The following UBR3 variants were observed in gnomAD, a reference collection of about 807,000 sequenced individuals.
The protein encoded by UBR3 is E3 ubiquitin-protein ligase UBR3.
A neutral mutation model predicts 243.2 loss-of-function variants in UBR3; 85 were observed. The ratio of observed to expected loss-of-function variants is 0.35; its 90% CI spans 0.29 to 0.42. UBR3 has a LOEUF of 0.42. UBR3 is among the 10% of genes least tolerant of loss of function. The pLI, the probability that UBR3 is intolerant of heterozygous loss-of-function variation, is 1.00. For missense variants in UBR3, 1,686 were observed against 2,300.8 expected (o/e 0.73, Z 5.47); for synonymous variants, 748 against 799.8 (o/e 0.94, Z 1.09).
chr2:169,917,472 A>G (rs142665902), intron 11 of UBR3, among the ~76,000 whole-genome samples: 3 of 152,336 alleles, frequency 2.0e-5, no homozygotes, highest in Admixed American at 6.5e-5. Context: ...AAAATTATAC[A>G]CAAGAAAATG....
chr2:169,932,166 C>T (rs2086158920), intron 18 of UBR3, among the ~76,000 whole-genome samples: 1 of 151,816 alleles, frequency 6.6e-6, no homozygotes, highest in Admixed American at 6.6e-5. Flanking sequence ...CAACCTTCGC[C>T]TCCTGGGTTC....
intron 6 of UBR3, 96 bp downstream of exon 6, chr2:169,891,327 CA>C: frequency 1.1e-6 from 1 of 882,650 alleles, no homozygotes; most frequent in Middle Eastern, 3.4e-4. Flanking sequence ...ATACTGACAT[CA>C]AAGCTGTTTG....
chr2:170,029,482 A>G (rs2090615264), intron 31 of UBR3, 34 bp downstream of exon 31: 24 of 1,501,206 alleles, frequency 1.6e-5, no homozygotes, highest in Non-Finnish European at 2.0e-5. Flanking sequence ...ATCAATTAAA[A>G]CTCTTTATGA....
intron 5 of UBR3, among the ~76,000 whole-genome samples, chr2:169,886,559 C>T (rs561519971): frequency 6.6e-5 from 10 of 152,238 alleles, no homozygotes; most frequent in East Asian, 5.8e-4. Context: ...TTTTCTGTCG[C>T]GCATAGTTCT....
intron 1 of UBR3, among the ~76,000 whole-genome samples, chr2:169,833,006 C>G (rs771598313): frequency 1.1e-4 from 16 of 152,088 alleles, no homozygotes; most frequent in Non-Finnish European, 2.2e-4. Context: ...CTAAAATACA[C>G]TCGTTCCTCA....
intron 5 of UBR3, among the ~76,000 whole-genome samples, chr2:169,882,541 C>G (rs12999322): frequency 0.47 from 70,387 of 150,466 alleles, 18,402 homozygotes; most frequent in Non-Finnish European, 0.6. Context: ...AGGAGTTTGA[C>G]ACCAGCCTGG....
At chr2:170,058,590 A>T (rs1285972293) in intron 33 of UBR3, among the ~76,000 whole-genome samples, 2 of 146,920 alleles carry the variant, frequency 1.4e-5, no homozygotes, top group Non-Finnish European at 3.0e-5. Context: ...ATCACAGCTC[A>T]CTGCAACCTC....
intron 5 of UBR3, among the ~76,000 whole-genome samples, chr2:169,883,449 G>C (rs1336926926): frequency 1.3e-5 from 2 of 152,188 alleles, no homozygotes; most frequent in Non-Finnish European, 2.9e-5. Context: ...CATCCTTTTT[G>C]TTATAAACGA....
intron 19 of UBR3, among the ~76,000 whole-genome samples, chr2:169,940,690 G>A (rs12473392): frequency 0.18 from 26,994 of 151,888 alleles, 2,653 homozygotes; most frequent in East Asian, 0.37. Context: ...CCTTTACTAT[G>A]GTTGTAGATT....
At chr2:170,061,283 G>A in intron 34 of UBR3, 35 bp from the exon 35 acceptor site, 1 of 1,606,692 alleles carries the variant, frequency 6.2e-7, no homozygotes, top group Non-Finnish European at 8.5e-7. Context: ...CTTTATTGTA[G>A]ACTGACTTGT....
intron 26 of UBR3, among the ~76,000 whole-genome samples, chr2:169,998,564 G>T (rs1195287143): frequency 1.3e-5 from 2 of 152,232 alleles, no homozygotes; most frequent in East Asian, 3.8e-4. Flanking sequence ...GTGTGTTGTA[G>T]ATGCTTACTG....
chr2:170,073,755 T>C (rs1423073047), intron 36 of UBR3, 148 bp downstream of exon 36: 8 of 804,110 alleles, frequency 9.9e-6, no homozygotes, highest in Non-Finnish European at 1.3e-5. Flanking sequence ...CTTATGTAGA[T>C]TGTATTTATA....
At chr2:170,052,005 G>A (rs994386810) in intron 32 of UBR3, among the ~76,000 whole-genome samples, 6 of 151,856 alleles carry the variant, frequency 4.0e-5, no homozygotes, top group Admixed American at 3.9e-4. Context: ...CAAATCTCTA[G>A]CTTTAGACTA....
intron 38 of UBR3, 57 bp from the exon 39 acceptor site, chr2:170,081,669 A>G (rs2091909912): frequency 2.3e-6 from 3 of 1,296,958 alleles, no homozygotes; most frequent in Middle Eastern, 1.9e-4. Context: ...GAAGAAAGAA[A>G]TGCATGTGAA....
In UBR3 at chr2:169,926,313, C is replaced by T. The variant is rs148264055; in HGVS notation, c.2152-379C>T. On this transcript the variant is annotated intron_variant, in intron 14 of 38. Transcript: ENST00000272793. Reference sequence around the variant, plus strand: ...ACAGAAAATAAAAATCATAGCCAGGCGTGGTGGCTCATGCCTGTTATCCCA... The same window carrying T: ...ACAGAAAATAAAAATCATAGCCAGGTGTGGTGGCTCATGCCTGTTATCCCA... Among the ~76,000 whole-genome samples the T allele has an allele frequency of 7.8e-3, 1,185 of 152,280 alleles. 13 individuals are homozygous for T. The highest frequency in any genetic ancestry group is 0.026 in the African/African-American group (1,071 of 41,556).
At chr2:170,052,937 CA>C (rs2091254336) in intron 32 of UBR3, among the ~76,000 whole-genome samples, 2 of 152,158 alleles carry the variant, frequency 1.3e-5, no homozygotes, top group South Asian at 4.1e-4. Flanking sequence ...ATGCTTATAT[CA>C]AAACTACATT....
intron 33 of UBR3, among the ~76,000 whole-genome samples, chr2:170,056,003 CTTT>C (rs34415442): frequency 2.2e-4 from 20 of 88,902 alleles, no homozygotes; most frequent in African/African-American, 3.9e-4. Context: ...TCTTTTCTTT[CTTT>C]TTTTTTTTTT....
At chr2:169,850,698 G>T (rs1363904821) in intron 1 of UBR3, among the ~76,000 whole-genome samples, 1 of 152,048 alleles carries the variant, frequency 6.6e-6, no homozygotes, top group African/African-American at 2.4e-5. Flanking sequence ...CAAAAAATTA[G>T]CCGGGCGTGG....
chr2:169,836,033 CTCTCTCTCTCTATA>C lies in UBR3; in HGVS notation c.545+7983_545+7996del, dbSNP rs1272170617. 8.7e-3 allele frequency among the ~76,000 whole-genome samples: 176 copies of C among 20,266 alleles called. 4 individuals are homozygous for C. Among genetic ancestry groups the C allele is most frequent in the Non-Finnish European group, 9.0e-3 (103 of 11,452 alleles). 13.3% of individuals were successfully genotyped at this position (20,266 alleles called of 152,430 possible). A position where few individuals can be genotyped will look rare whatever the true frequency, so the allele number is the denominator to read the frequency against. ...TCTCTCTCTCTCTCTCTCTCTCTCT[CTCTCTCTCTCTATA>C]TATATATATATATATATATATTTTT... is the stretch of plus-strand genomic sequence containing the variant. On this transcript the variant is annotated intron_variant, in intron 1 of 38. Transcript: ENST00000272793.
Sources: gnomAD v4.1 joint callset for allele counts (sites outside exome capture counted in the v4.1 genomes callset) on GRCh38, gnomAD v4.1.1 for gene constraint, MANE v1.5 for transcripts, NCBI Gene and HGNC (gene_info 2026-07-23, HGNC 2026-07-21) for gene names.